The following NCAPD2 variants were observed in gnomAD, a reference collection of about 807,000 sequenced individuals.
NCAPD2 encodes the protein condensin complex subunit 1.
A neutral mutation model predicts 164.5 loss-of-function variants in NCAPD2; 100 were observed. That is an observed-to-expected ratio of 0.61 (90% CI 0.52 to 0.72). The LOEUF (loss-of-function observed/expected upper bound fraction) is 0.72. NCAPD2 is among the 30% of genes least tolerant of loss of function. The probability of loss-of-function intolerance (pLI) is 0.00; values close to 1 mark genes in which losing one functional copy is unlikely to be tolerated. For synonymous variants in NCAPD2, 585 were observed against 642.6 expected (o/e 0.91, Z 1.36); for missense variants, 1,560 against 1,749.2 (o/e 0.89, Z 1.93).
Position 6,511,097 on chromosome 12 carries a change from T to C in NCAPD2, c.445-13T>C, listed in dbSNP as rs369943138. ...CCTTATTTTTTCCTCAATGTATACATGATCCTTTTTAGGGTAAGAAAGCTC... is the reference window on the plus strand; with the variant it reads ...CCTTATTTTTTCCTCAATGTATACACGATCCTTTTTAGGGTAAGAAAGCTC... On this transcript the variant is annotated splice_polypyrimidine_tract_variant and intron_variant, in intron 5 of 31. Coordinates refer to ENST00000315579, the MANE Select transcript of NCAPD2 (RefSeq NM_014865.4). 8.2e-5 allele frequency: 133 copies of C among 1,613,384 alleles called. No individual in the cohort carries two copies. The East Asian group carries it at 2.0e-3, about 24-fold the overall frequency.
chr12:6,513,966 C>T (rs1260792561), intron 6 of NCAPD2, among the ~76,000 whole-genome samples: 4 of 151,960 alleles, frequency 2.6e-5, no homozygotes, highest in Non-Finnish European at 2.9e-5. Context: ...CCACCTGCCT[C>T]GGCCTCCCAA....
chr12:6,522,768 C>A, intron 15 of NCAPD2, 60 bp from the exon 16 acceptor site: 2 of 1,568,062 alleles, frequency 1.3e-6, no homozygotes, highest in South Asian at 1.1e-5. Flanking sequence ...AAGGTTCTGT[C>A]GTTAGGTATT....
intron 2 of NCAPD2, among the ~76,000 whole-genome samples, chr12:6,500,350 G>A (rs1259185802): frequency 1.3e-5 from 2 of 152,150 alleles, no homozygotes; most frequent in African/African-American, 4.8e-5. Flanking sequence ...GTTACGTCAC[G>A]TTTGAGCAGA....
At chr12:6,530,519 A>G (rs1332435473) in intron 29 of NCAPD2, among the ~76,000 whole-genome samples, 172 bp from the exon 30 acceptor site, 1 of 152,220 alleles carries the variant, frequency 6.6e-6, no homozygotes, top group Non-Finnish European at 1.5e-5. Flanking sequence ...TACTGTTGCC[A>G]TCACTTTGTC....
chr12:6,517,572 C>G, intron 11 of NCAPD2, 24 bp from the exon 12 acceptor site: 2 of 1,614,088 alleles, frequency 1.2e-6, no homozygotes, highest in Non-Finnish European at 8.5e-7. Flanking sequence ...ATTTACTGAC[C>G]CTGCTATTCA....
Position 6,526,158 on chromosome 12 carries a change from G to C in NCAPD2, c.2439G>C (p.Gln813His). The change falls in exon 19 of 32, where the codon CAG (glutamine) becomes CAC (histidine). Residue 813 changes from glutamine to histidine, a missense_variant. Coordinates refer to ENST00000315579, the MANE Select transcript of NCAPD2 (RefSeq NM_014865.4). Reference protein sequence around the residue: ...EKFPQDYRLAQQVCHAIANIS... With the variant: ...EKFPQDYRLAHQVCHAIANIS... ...TTCCACAGGACTACAGGCTGGCCCA[G>C]CAGGTGTGCCATGCCATTGCCAACA... The C allele has an allele frequency of 6.2e-7, 1 of 1,614,192 alleles. No individual in the cohort carries two copies. The highest frequency in any genetic ancestry group is 8.5e-7 in the Non-Finnish European group (1 of 1,180,038).
chr12:6,525,074 C>T (rs934233037), intron 17 of NCAPD2, among the ~76,000 whole-genome samples: 4 of 152,074 alleles, frequency 2.6e-5, no homozygotes, highest in African/African-American at 7.2e-5. Flanking sequence ...TGGGCAGTAA[C>T]GAGGGGCTGG....
chr12:6,512,113 C>CA (rs974708620), intron 6 of NCAPD2, among the ~76,000 whole-genome samples: 7 of 149,516 alleles, frequency 4.7e-5, no homozygotes, highest in Non-Finnish European at 8.9e-5. Context: ...ACTAAAAATA[C>CA]AAAAAAAAAT....
intron 10 of NCAPD2, 106 bp from the exon 11 acceptor site, chr12:6,517,259 T>G: frequency 1.3e-6 from 2 of 1,499,338 alleles, no homozygotes; most frequent in Non-Finnish European, 1.8e-6. Context: ...TAGAAAGGGT[T>G]TTTAGAGTGA....
At position 6,516,849 on chromosome 12, in the gene NCAPD2, G is replaced by A. The variant is rs143795587; in HGVS notation, c.1009G>A (p.Val337Met). The part of the protein sequence containing the change: ...DGENYMMRNA[V>M]LAAMAEMVLQ... Reference sequence around the variant, plus strand: ...TTAGAATTACATGATGCGTAATGCTGTGCTGGCAGCCATGGCGGAGATGGT... The same window carrying A: ...TTAGAATTACATGATGCGTAATGCTATGCTGGCAGCCATGGCGGAGATGGT... Residue 337 changes from valine to methionine, a missense_variant, in exon 10 of 32, where the codon GTG (valine) becomes ATG (methionine). Val to Met is a conservative substitution (Grantham distance 21). Coordinates refer to ENST00000315579, the MANE Select transcript of NCAPD2 (RefSeq NM_014865.4). 2,073 of 1,614,156 alleles carry A rather than the reference G, an allele frequency of 1.3e-3. 4 individuals carry two copies. Among genetic ancestry groups the A allele is most frequent in the South Asian group, 3.2e-3 (288 of 91,084 alleles).
chr12:6,507,513 G>A (rs189628593), intron 2 of NCAPD2, among the ~76,000 whole-genome samples: 9 of 152,350 alleles, frequency 5.9e-5, no homozygotes, highest in Admixed American at 2.6e-4. Flanking sequence ...TATTCCTGAC[G>A]CAAGTCCTGC....
rs1043271 is a variant in NCAPD2 at position 6,531,510 on chromosome 12, T to A, written c.*98T>A. On this transcript the variant is annotated 3_prime_UTR_variant, in exon 32 of 32. Coordinates refer to ENST00000315579, the MANE Select transcript of NCAPD2 (RefSeq NM_014865.4). The surrounding 1 kb of genome is among the most constrained non-coding windows in gnomAD (Gnocchi z 4.1). ...TAAAATATTTGTCTGTCTCTTTTTT[T>A]TAAAAAAAAAAAAGGCCGGGCACTG... 0.25 allele frequency: 358,485 copies of A among 1,429,946 alleles called. 13,792 individuals are homozygous for A. The highest frequency in any genetic ancestry group is 0.44 in the African/African-American group (27,736 of 63,110). 88.6% of individuals were successfully genotyped at this position (1,429,946 alleles called of 1,614,324 possible). A position where few individuals can be genotyped will look rare whatever the true frequency, so the allele number is the denominator to read the frequency against.
intron 2 of NCAPD2, among the ~76,000 whole-genome samples, chr12:6,500,339 T>C (rs952595911): frequency 5.3e-5 from 8 of 152,176 alleles, no homozygotes; most frequent in African/African-American, 1.7e-4. Context: ...GAAGGCTTGC[T>C]GTTACGTCAC....
intron 17 of NCAPD2, among the ~76,000 whole-genome samples, chr12:6,525,315 A>C (rs550645259): frequency 2.6e-5 from 4 of 152,136 alleles, no homozygotes; most frequent in African/African-American, 9.7e-5. Context: ...AAATCTCCAG[A>C]CTTAGAACTA....
In NCAPD2 at chr12:6,526,064, C is replaced by G; in HGVS notation, c.2349-4C>G. ...CCTTTAACTCTGTGGCTTCCTTCCCCTAGAGGAAAGCCAGAAATTGTGGGA... is the reference window on the plus strand; with the variant it reads ...CCTTTAACTCTGTGGCTTCCTTCCCGTAGAGGAAAGCCAGAAATTGTGGGA... On this transcript the variant is annotated splice_region_variant and splice_polypyrimidine_tract_variant and intron_variant, in intron 18 of 31. Coordinates refer to ENST00000315579, the MANE Select transcript of NCAPD2 (RefSeq NM_014865.4). 1 of 1,613,604 alleles carries G rather than the reference C, an allele frequency of 6.2e-7. No individual in the cohort carries two copies. Among genetic ancestry groups the G allele is most frequent in the Non-Finnish European group, 8.5e-7 (1 of 1,179,954 alleles).
At chr12:6,495,594 C>T (rs1302398030) in intron 2 of NCAPD2, among the ~76,000 whole-genome samples, 2 of 152,038 alleles carry the variant, frequency 1.3e-5, no homozygotes, top group African/African-American at 4.8e-5. Flanking sequence ...TTTGGTAATA[C>T]CTTTTTGGAG....
chr12:6,523,079 A>G lies in NCAPD2; in HGVS notation c.2129+77A>G, dbSNP rs996225266. 19 of 1,559,582 alleles carry G rather than the reference A, an allele frequency of 1.2e-5. No homozygotes were observed. In the African/African-American group the frequency reaches 1.2e-4, roughly 10 times the overall value. On this transcript the variant is annotated intron_variant, in intron 16 of 31. Coordinates refer to ENST00000315579, the MANE Select transcript of NCAPD2 (RefSeq NM_014865.4). ...AGGACTTCCCTTGTCTCCTAAAGGA[A>G]GAGGTGCATTTCTCCAGGGGAGTTC...
chr12:6,519,180 G>A (rs371458674), intron 13 of NCAPD2, among the ~76,000 whole-genome samples: 3 of 152,188 alleles, frequency 2.0e-5, no homozygotes. Flanking sequence ...TTGAGCCACC[G>A]TGCCCGGCTT....
chr12:6,504,208 T>TAC (rs1421551900), intron 2 of NCAPD2, among the ~76,000 whole-genome samples: 7 of 22,564 alleles, frequency 3.1e-4, no homozygotes, highest in African/African-American at 2.5e-3. Context: ...TATATATATA[T>TAC]ATATATATAG....
Sources: allele counts gnomAD v4.1 joint callset (sites outside exome capture counted in the v4.1 genomes callset), GRCh38; gene constraint gnomAD v4.1.1; non-coding constraint Gnocchi (gnomAD v3.1); transcripts MANE v1.5; gene names NCBI Gene and HGNC (gene_info 2026-07-23, HGNC 2026-07-21).